The following PDE1C variants were observed in gnomAD, a reference collection of about 807,000 sequenced individuals.
PDE1C encodes phosphodiesterase 1C, also known as dual specificity calcium/calmodulin-dependent 3',5'-cyclic nucleotide phosphodiesterase 1C.
Under a neutral mutation model 93.1 loss-of-function variants are expected in PDE1C, and 62 were observed. The observed-to-expected ratio is 0.67, with a 90% CI of 0.54 to 0.82. PDE1C has a LOEUF of 0.82. Among genes scored for constraint, PDE1C ranks in the 40% least tolerant of loss-of-function variants. The pLI, the probability that PDE1C is intolerant of heterozygous loss-of-function variation, is 0.00. For synonymous variants in PDE1C, 325 were observed against 310.1 expected, an observed-to-expected ratio of 1.05 and a Z score of -0.50; for missense variants, 742 against 884.6, an observed-to-expected ratio of 0.84 and a Z score of 2.04.
the PDE1C span, among the ~76,000 whole-genome samples, chr7:31,740,343 A>C: frequency 6.6e-6 from 1 of 152,224 alleles, no homozygotes; most frequent in South Asian, 2.1e-4. Flanking sequence ...ACTAACATAC[A>C]TATGTTATGT....
At chr7:31,715,571 A>T in the PDE1C span, among the ~76,000 whole-genome samples, 1 of 152,148 alleles carries the variant, frequency 6.6e-6, no homozygotes, top group Non-Finnish European at 1.5e-5. Context: ...TTCTTTTCTA[A>T]TCATAGAATA....
chr7:31,678,584 C>T, the PDE1C span, among the ~76,000 whole-genome samples: 1 of 152,166 alleles, frequency 6.6e-6, no homozygotes, highest in African/African-American at 2.4e-5. Context: ...TAGGTGCCTA[C>T]TGTGGAGCCA....
Position 32,101,417 on chromosome 7 carries a change from A to G in PDE1C, c.308+68368T>C, listed in dbSNP as rs530039535. Among the ~76,000 whole-genome samples the G allele has an allele frequency of 2.0e-5, 3 of 152,324 alleles. No homozygotes were observed. In the South Asian group the frequency reaches 6.2e-4, roughly 32 times the overall value. The stretch of plus-strand genomic sequence containing the variant: ...TTCCCTCCAAATCTCATGTTGAAAT[A>G]TAATCTCCAATGTTGGAAGTGGGTC... On this transcript the variant is annotated intron_variant, in intron 3 of 18. Coordinates refer to the PDE1C transcript ENST00000396193.
chr7:31,767,129 TTTAA>T (rs1795196677), intron 17 of PDE1C, among the ~76,000 whole-genome samples: 1 of 152,192 alleles, frequency 6.6e-6, no homozygotes, highest in Admixed American at 6.5e-5. Context: ...ATTTCTACTG[TTTAA>T]TTTTGTTTTG....
rs1562852738 is a variant in PDE1C at position 31,815,950 on chromosome 7, T to G, written c.1787A>C (p.Lys596Thr). ...NPRGKNSKAE[K>T]SSGEQQQNGD... Reference sequence around the variant, plus strand: ...ATTCTGTTGCTGTTCTCCTGATGACTTCTCGGCTTTGGAGTTTTTCCCACG... The same window carrying G: ...ATTCTGTTGCTGTTCTCCTGATGACGTCTCGGCTTTGGAGTTTTTCCCACG... Residue 596 changes from lysine to threonine, a missense_variant, in exon 15 of 18, where the codon AAG becomes ACG. Physicochemically the swap from Lys to Thr is moderately conservative, Grantham distance 78. Transcript: ENST00000396191. 6.2e-7 allele frequency: 1 copy of G among 1,613,686 alleles called. No individual in the cohort carries two copies. The highest frequency in any genetic ancestry group is 8.5e-7 in the Non-Finnish European group (1 of 1,179,618).
chr7:31,766,703 A>C (rs1583984803), intron 17 of PDE1C, among the ~76,000 whole-genome samples: 1 of 152,328 alleles, frequency 6.6e-6, no homozygotes, highest in Admixed American at 6.5e-5. Flanking sequence ...GAAACAATAT[A>C]AATTGTATTA....
Position 32,092,164 on chromosome 7 carries a change from T to TGAGAGAGAGA in PDE1C, c.308+77611_308+77620dup, listed in dbSNP as rs3078655. Among the ~76,000 whole-genome samples, 1,347 of 149,012 alleles carry TGAGAGAGAGA rather than the reference T, an allele frequency of 9.0e-3. 8 individuals carry two copies. Among genetic ancestry groups the TGAGAGAGAGA allele is most frequent in the Non-Finnish European group, 0.015 (1,020 of 66,960 alleles). ...TTCCAAAGATGTTTCCTTTTGTTCATGAGAGAGAGAGAGAGAGAGAGACTT... is the reference window on the plus strand; with the variant it reads ...TTCCAAAGATGTTTCCTTTTGTTCATGAGAGAGAGAGAGAGAGAGAGAGAGAGAGAGACTT... On this transcript the variant is annotated intron_variant, in intron 3 of 18. Transcript: ENST00000396193.
chr7:31,769,572 T>A (rs1357906888), intron 17 of PDE1C, among the ~76,000 whole-genome samples: 1 of 152,216 alleles, frequency 6.6e-6, no homozygotes, highest in Non-Finnish European at 1.5e-5. Context: ...TGGCAATTTG[T>A]CTATCTTCCA....
At chr7:31,754,080 A>G (rs578229162) in intron 17 of PDE1C, among the ~76,000 whole-genome samples, 3 of 152,244 alleles carry the variant, frequency 2.0e-5, no homozygotes, top group South Asian at 2.1e-4. Flanking sequence ...CAATTTTAAA[A>G]TGGGCAAAAC....
intron 6 of PDE1C, among the ~76,000 whole-genome samples, chr7:31,866,339 A>G (rs1294284176): frequency 1.3e-5 from 2 of 152,166 alleles, no homozygotes; most frequent in Admixed American, 1.3e-4. Context: ...GAGGTCAGAG[A>G]TGAATTCATT....
chr7:32,164,115 T>C (rs1195894536), intron 3 of PDE1C, among the ~76,000 whole-genome samples: 1 of 152,254 alleles, frequency 6.6e-6, no homozygotes. Flanking sequence ...GTCCTCAGAC[T>C]ATTGCATCAG....
chr7:31,824,623 G>A (rs758074471), intron 13 of PDE1C, among the ~76,000 whole-genome samples: 1 of 152,112 alleles, frequency 6.6e-6, no homozygotes, highest in South Asian at 2.1e-4. Context: ...GGGTGGCAGG[G>A]GGGCAGCACC....
intron 1 of PDE1C, among the ~76,000 whole-genome samples, chr7:32,061,309 G>C (rs1484804055): frequency 6.6e-6 from 1 of 152,206 alleles, no homozygotes; most frequent in African/African-American, 2.4e-5. Flanking sequence ...CTTGGATTTG[G>C]GTAGAAATAG....
the PDE1C span, among the ~76,000 whole-genome samples, chr7:31,632,463 A>G: frequency 6.6e-6 from 1 of 152,154 alleles, no homozygotes; most frequent in African/African-American, 2.4e-5. Flanking sequence ...TAAATAAATA[A>G]AAATAAAAAT....
intron 1 of PDE1C, among the ~76,000 whole-genome samples, chr7:32,346,309 A>C (rs147188356): frequency 1.1e-3 from 162 of 152,362 alleles, no homozygotes; most frequent in Non-Finnish European, 1.8e-3. Flanking sequence ...TACCCAGTGC[A>C]TGCCAGCATG....
At chr7:31,979,160 G>A (rs1030409444) in intron 2 of PDE1C, among the ~76,000 whole-genome samples, 1 of 152,094 alleles carries the variant, frequency 6.6e-6, no homozygotes, top group African/African-American at 2.4e-5. Context: ...CAAACATTAT[G>A]TGCCTCCCAT....
intron 2 of PDE1C, among the ~76,000 whole-genome samples, chr7:31,954,289 C>G (rs569340783): frequency 2.0e-5 from 3 of 152,292 alleles, no homozygotes; most frequent in South Asian, 4.1e-4. Flanking sequence ...CGGCAGAAGG[C>G]AGGGGCTTCG....
the PDE1C span, among the ~76,000 whole-genome samples, chr7:31,738,143 C>T: frequency 2.6e-5 from 4 of 152,108 alleles, no homozygotes; most frequent in African/African-American, 9.7e-5. Flanking sequence ...CAGGCCAGTG[C>T]GAGACCCAGG....
chr7:32,095,270 G>C (rs571270938), intron 3 of PDE1C, among the ~76,000 whole-genome samples: 26 of 152,300 alleles, frequency 1.7e-4, no homozygotes, highest in Admixed American at 4.6e-4. Context: ...TCCCATCAGT[G>C]GCATTTCCGA....
Sources: gnomAD v4.1 joint callset for allele counts (sites outside exome capture counted in the v4.1 genomes callset) on GRCh38, gnomAD v4.1.1 for gene constraint, MANE v1.5 for transcripts, NCBI Gene and HGNC (gene_info 2026-07-23, HGNC 2026-07-21) for gene names.